GULP1: variants seen among roughly 807,000 people sequenced by gnomAD.
GULP1 encodes PTB domain-containing engulfment adapter protein 1.
Under a neutral mutation model 40.9 loss-of-function variants are expected in GULP1, and 19 were observed. The ratio of observed to expected loss-of-function variants is 0.46; its 90% CI spans 0.32 to 0.68. The LOEUF is 0.68. GULP1 is among the 30% of genes least tolerant of loss of function. The pLI is 0.03. For synonymous variants in GULP1, 119 were observed against 117.6 expected (o/e 1.01, Z -0.08); for missense variants, 312 against 362.2 (o/e 0.86, Z 1.12).
At chr2:188,307,219 T>C (rs929636379) in intron 1 of GULP1, among the ~76,000 whole-genome samples, 1 of 152,168 alleles carries the variant, frequency 6.6e-6, no homozygotes, top group African/African-American at 2.4e-5. Flanking sequence ...TTAACAAATA[T>C]GATATTTTAT....
chr2:188,550,661 A>G (rs1458014667), intron 7 of GULP1, among the ~76,000 whole-genome samples: 1 of 151,648 alleles, frequency 6.6e-6, no homozygotes, highest in Admixed American at 6.6e-5. Context: ...TATTAGTACT[A>G]GAAGGAATCA....
intron 2 of GULP1, among the ~76,000 whole-genome samples, chr2:188,394,428 A>C (rs754052185): frequency 5.9e-5 from 9 of 151,970 alleles, no homozygotes; most frequent in Non-Finnish European, 8.8e-5. Flanking sequence ...TTTCATTCAT[A>C]TCCTGAATTT....
chr2:188,430,698 C>T (rs1194829917), intron 2 of GULP1, among the ~76,000 whole-genome samples: 1 of 152,218 alleles, frequency 6.6e-6, no homozygotes, highest in East Asian at 1.9e-4. Flanking sequence ...AAACTAGAAC[C>T]TCTTTTCCTC....
At chr2:188,375,730 G>T (rs1029858510) in intron 1 of GULP1, among the ~76,000 whole-genome samples, 8 of 152,044 alleles carry the variant, frequency 5.3e-5, no homozygotes, top group Non-Finnish European at 1.2e-4. Flanking sequence ...AAATACTATA[G>T]TAAAGAATAG....
chr2:188,424,492 A>G (rs1277368804), intron 2 of GULP1, among the ~76,000 whole-genome samples: 1 of 151,926 alleles, frequency 6.6e-6, no homozygotes, highest in Non-Finnish European at 1.5e-5. Flanking sequence ...ACAATATATT[A>G]TTTCACTTAT....
At chr2:188,537,758 T>C (rs960117809) in intron 6 of GULP1, among the ~76,000 whole-genome samples, 2 of 152,082 alleles carry the variant, frequency 1.3e-5, no homozygotes, top group Non-Finnish European at 2.9e-5. Context: ...ACAGTGGAAT[T>C]GGTACCAACT....
intron 2 of GULP1, among the ~76,000 whole-genome samples, chr2:188,424,445 C>T (rs2055877997): frequency 6.6e-6 from 1 of 151,870 alleles, no homozygotes; most frequent in South Asian, 2.1e-4. Context: ...GCTCATTTTG[C>T]AACCTTACTC....
intron 4 of GULP1, among the ~76,000 whole-genome samples, chr2:188,506,546 C>T (rs2063935655): frequency 6.6e-6 from 1 of 151,986 alleles, no homozygotes; most frequent in Non-Finnish European, 1.5e-5. Flanking sequence ...CTGTGCTAAA[C>T]TCCATTGTCT....
At chr2:188,538,989 ATCTT>A (rs1319219431) in intron 6 of GULP1, among the ~76,000 whole-genome samples, 1 of 152,106 alleles carries the variant, frequency 6.6e-6, no homozygotes, top group African/African-American at 2.4e-5. Flanking sequence ...ACAGAATAGA[ATCTT>A]TATTTTTTTT....
intron 3 of GULP1, 63 bp downstream of exon 3, chr2:188,477,793 G>A (rs2061135853): frequency 1.1e-5 from 14 of 1,236,444 alleles, no homozygotes; most frequent in Non-Finnish European, 1.5e-5. Flanking sequence ...CATAAGCAGC[G>A]ATGTTAAGAA....
chr2:188,342,620 A>C (rs1476654396), intron 1 of GULP1, among the ~76,000 whole-genome samples: 1 of 152,214 alleles, frequency 6.6e-6, no homozygotes, highest in Non-Finnish European at 1.5e-5. Flanking sequence ...AACAGATGAG[A>C]GAATACAATA....
At chr2:188,527,942 T>C (rs998406004) in intron 5 of GULP1, among the ~76,000 whole-genome samples, 3 of 152,176 alleles carry the variant, frequency 2.0e-5, no homozygotes, top group African/African-American at 7.2e-5. Flanking sequence ...TGTCTTGCAT[T>C]ACATGTCATC....
intron 4 of GULP1, among the ~76,000 whole-genome samples, chr2:188,512,044 G>C (rs890784863): frequency 6.6e-6 from 1 of 151,966 alleles, no homozygotes; most frequent in Non-Finnish European, 1.5e-5. Flanking sequence ...GGCTTTTTCT[G>C]TATTGCTTGG....
intron 4 of GULP1, among the ~76,000 whole-genome samples, chr2:188,499,031 C>T (rs2063165669): frequency 6.7e-6 from 1 of 149,388 alleles, no homozygotes; most frequent in Non-Finnish European, 1.5e-5. Context: ...GGATTTTAAT[C>T]AATGTCTGAA....
chr2:188,384,623 A>G (rs1361110039), intron 2 of GULP1, among the ~76,000 whole-genome samples: 2 of 152,286 alleles, frequency 1.3e-5, no homozygotes, highest in African/African-American at 4.8e-5. Flanking sequence ...AAAGTCCACA[A>G]TCCAGAGTCT....
chr2:188,321,172 CT>C (rs1308644047), intron 1 of GULP1, among the ~76,000 whole-genome samples: 1 of 151,996 alleles, frequency 6.6e-6, no homozygotes, highest in African/African-American at 2.4e-5. Flanking sequence ...AATACTCAAC[CT>C]TTTTTTGAAG....
rs2061120969 is a variant in GULP1 at position 188,477,649 on chromosome 2, AC to A, written c.-44-9del. The A allele has an allele frequency of 7.0e-7, 1 of 1,434,074 alleles. No individual in the cohort carries two copies. The highest frequency in any genetic ancestry group is 9.6e-7 in the Non-Finnish European group (1 of 1,039,446). The allele number at this position is 1,434,074 out of a possible 1,614,324, so 88.8% of individuals were successfully genotyped here. ...TTTGTTTATGTTTTAATATTTTGTCACTTTTACAGGATTTAAGTCGTGGAAC... is the reference window on the plus strand; with the variant it reads ...TTTGTTTATGTTTTAATATTTTGTCATTTTACAGGATTTAAGTCGTGGAAC... On this transcript the variant is annotated splice_polypyrimidine_tract_variant and intron_variant, in intron 2 of 11. Coordinates refer to ENST00000409830, the MANE Select transcript of GULP1 (RefSeq NM_016315.4).
At chr2:188,382,972 T>C (rs1270847263) in intron 1 of GULP1, among the ~76,000 whole-genome samples, 2 of 152,166 alleles carry the variant, frequency 1.3e-5, no homozygotes, top group African/African-American at 2.4e-5. Context: ...GCATCATCAA[T>C]GTCTGTATCA....
intron 6 of GULP1, among the ~76,000 whole-genome samples, chr2:188,532,351 T>A (rs1045323822): frequency 6.6e-6 from 1 of 152,180 alleles, no homozygotes; most frequent in Non-Finnish European, 1.5e-5. Context: ...CACAGGTTAA[T>A]AATGGCATGT....
Sources: allele counts gnomAD v4.1 joint callset (sites outside exome capture counted in the v4.1 genomes callset), GRCh38; gene constraint gnomAD v4.1.1; transcripts MANE v1.5; gene names NCBI Gene and HGNC (gene_info 2026-07-23, HGNC 2026-07-21).